ITPR1: variants seen among roughly 807,000 people sequenced by gnomAD.
ITPR1 encodes the protein inositol 1,4,5-trisphosphate-gated calcium channel ITPR1.
In ITPR1, 96 loss-of-function variants were observed where a neutral mutation model predicts 318.4. The ratio of observed to expected loss-of-function variants is 0.30; its 90% CI spans 0.26 to 0.36. The LOEUF (loss-of-function observed/expected upper bound fraction) is 0.36. Among genes scored for constraint, ITPR1 ranks in the 10% least tolerant of loss-of-function variants. The pLI, the probability that ITPR1 is intolerant of heterozygous loss-of-function variation, is 1.00. For synonymous variants in ITPR1, 1,312 were observed against 1,289.9 expected, an observed-to-expected ratio of 1.02 and a Z score of -0.37; for missense variants, 2,440 against 3,460.2, an observed-to-expected ratio of 0.71 and a Z score of 7.40.
chr3:4,775,451 A>G lies in ITPR1; in HGVS notation c.6180+9A>G. The stretch of plus-strand genomic sequence containing the variant: ...CTTGCCATGAGAACCAGGTAATTAA[A>G]TTTCTGTTTTGGGATGGGGAAAAAA... On this transcript the variant is annotated intron_variant, in intron 47 of 61. Coordinates refer to ENST00000649015, the MANE Select transcript of ITPR1 (RefSeq NM_001378452.1). The G allele has an allele frequency of 6.2e-7, 1 of 1,603,974 alleles. No individual in the cohort carries two copies. Among genetic ancestry groups the G allele is most frequent in the Non-Finnish European group, 8.5e-7 (1 of 1,174,074 alleles).
intron 4 of ITPR1, among the ~76,000 whole-genome samples, chr3:4,524,693 T>C (rs1465156800): frequency 6.6e-6 from 1 of 152,226 alleles, no homozygotes; most frequent in Non-Finnish European, 1.5e-5. Flanking sequence ...GGCCTGTTTA[T>C]GCAATATTCC....
chr3:4,783,621 CT>C (rs1213099137), intron 50 of ITPR1, among the ~76,000 whole-genome samples, 194 bp from the exon 51 acceptor site: 1 of 152,264 alleles, frequency 6.6e-6, no homozygotes, highest in African/African-American at 2.4e-5. Context: ...GCTTTCCATG[CT>C]TTTCTACCAA....
At chr3:4,550,821 G>C (rs575855563) in intron 4 of ITPR1, among the ~76,000 whole-genome samples, 11 of 152,126 alleles carry the variant, frequency 7.2e-5, no homozygotes, top group African/African-American at 2.7e-4. Context: ...AGGAAGTAGA[G>C]GCTGCAGTGA....
intron 16 of ITPR1, among the ~76,000 whole-genome samples, chr3:4,663,937 G>C (rs1447563532): frequency 6.6e-6 from 1 of 152,132 alleles, no homozygotes; most frequent in Non-Finnish European, 1.5e-5. Flanking sequence ...ATTTCACTTA[G>C]TGATATGCAT....
intron 61 of ITPR1, among the ~76,000 whole-genome samples, chr3:4,839,365 G>A (rs777271843): frequency 3.9e-5 from 6 of 151,924 alleles, no homozygotes; most frequent in East Asian, 3.9e-4. Context: ...GACAGTATCC[G>A]AGACTTCAGA....
At chr3:4,599,758 C>G (rs947609514) in intron 4 of ITPR1, among the ~76,000 whole-genome samples, 1 of 152,206 alleles carries the variant, frequency 6.6e-6, no homozygotes, top group African/African-American at 2.4e-5. Flanking sequence ...GTGTGTTGGA[C>G]TTGACTTCCC....
intron 51 of ITPR1, among the ~76,000 whole-genome samples, chr3:4,786,093 T>C (rs1279596297): frequency 6.6e-6 from 1 of 152,178 alleles, no homozygotes; most frequent in East Asian, 1.9e-4. Context: ...ACTCCTCCTT[T>C]CCCTCCTGGA....
intron 51 of ITPR1, among the ~76,000 whole-genome samples, chr3:4,787,079 A>G (rs1402914385): frequency 6.6e-6 from 1 of 152,142 alleles, no homozygotes; most frequent in Non-Finnish European, 1.5e-5. Context: ...CACTAGCCAC[A>G]GGTGTTAGTG....
chr3:4,710,521 A>G lies in ITPR1; in HGVS notation c.4991+48A>G, dbSNP rs1203991698. ...GTGTTCATTTGCCAGAACCTTGATGACCTCACAAAGCTTTTGTTCCCGAAG... is the reference window on the plus strand; with the variant it reads ...GTGTTCATTTGCCAGAACCTTGATGGCCTCACAAAGCTTTTGTTCCCGAAG... On this transcript the variant is annotated intron_variant, in intron 38 of 61. Coordinates refer to ENST00000649015, the MANE Select transcript of ITPR1 (RefSeq NM_001378452.1). This position sits in a 1 kb window ranked among gnomAD's most constrained non-coding sequence, Gnocchi z 4.2. The G allele has an allele frequency of 1.0e-5, 16 of 1,528,476 alleles. No homozygotes were observed. Among genetic ancestry groups the G allele is most frequent in the African/African-American group, 1.4e-5 (1 of 72,474 alleles). 94.7% of individuals were successfully genotyped at this position (1,528,476 alleles called of 1,614,324 possible). A position where few individuals can be genotyped will look rare whatever the true frequency, so the allele number is the denominator to read the frequency against.
chr3:4,543,341 C>G (rs1340917899), intron 4 of ITPR1, among the ~76,000 whole-genome samples: 1 of 152,078 alleles, frequency 6.6e-6, no homozygotes, highest in African/African-American at 2.4e-5. Flanking sequence ...AGATTTCCTC[C>G]TCTGGGTCAA....
At chr3:4,720,620 G>A (rs2042080333) in intron 40 of ITPR1, among the ~76,000 whole-genome samples, 2 of 152,106 alleles carry the variant, frequency 1.3e-5, no homozygotes, top group Admixed American at 1.3e-4. Context: ...TTGGAACTGT[G>A]GAATCTCTGG....
At chr3:4,582,324 T>G (rs940077740) in intron 4 of ITPR1, among the ~76,000 whole-genome samples, 2 of 152,204 alleles carry the variant, frequency 1.3e-5, no homozygotes, top group Non-Finnish European at 2.9e-5. Context: ...ATGTTCCTAC[T>G]GTGTCTGTAG....
At chr3:4,773,490 C>G (rs934364964) in intron 46 of ITPR1, among the ~76,000 whole-genome samples, 2 of 152,166 alleles carry the variant, frequency 1.3e-5, no homozygotes, top group African/African-American at 4.8e-5. Flanking sequence ...ACTGTATCTT[C>G]AAGTCCTTTT....
intron 16 of ITPR1, among the ~76,000 whole-genome samples, chr3:4,663,812 G>T (rs1421999734): frequency 6.6e-6 from 1 of 152,146 alleles, no homozygotes; most frequent in African/African-American, 2.4e-5. Flanking sequence ...CTATTTGTCT[G>T]TCCTTCCTGC....
intron 2 of ITPR1, among the ~76,000 whole-genome samples, chr3:4,506,995 A>G (rs1403706980): frequency 6.6e-6 from 1 of 152,224 alleles, no homozygotes; most frequent in Non-Finnish European, 1.5e-5. Context: ...GAAAATGAAC[A>G]CTGAAAAAAT....
rs529381187 is a variant in ITPR1, at chr3:4,665,244, G to A, written c.1661G>A (p.Arg554Gln). 2.8e-5 allele frequency: 45 copies of A among 1,613,994 alleles called. No individual in the cohort carries two copies. The highest frequency in any genetic ancestry group is 2.1e-4 in the South Asian group (19 of 91,078). ...CACGCTCCTTTCAGACACATCTGCC[G>A]GCTCTGCTACAGGGTGCTGAGACAC... ...QRHAPFRHIC[R>Q]LCYRVLRHSQ... Residue 554 changes from arginine to glutamine, a missense_variant, in exon 17 of 62, where the codon CGG becomes CAG. Transcript: ENST00000649015.
In ITPR1 at chr3:4,838,434, C is replaced by G. The variant is rs371560860; in HGVS notation, c.8190+1499C>G. Among the ~76,000 whole-genome samples, 26 of 152,156 alleles carry G rather than the reference C, an allele frequency of 1.7e-4. 1 individual carries two copies. The East Asian group carries it at 4.0e-3, about 24-fold the overall frequency. On this transcript the variant is annotated intron_variant, in intron 61 of 61. Transcript: ENST00000649015. ...TTCTGGCACTGCCCCCCCAACCCCC[C>G]AGTGAGGTGAACTTCTTTACACATC...
At chr3:4,564,483 G>A (rs2087012030) in intron 4 of ITPR1, among the ~76,000 whole-genome samples, 1 of 152,220 alleles carries the variant, frequency 6.6e-6, no homozygotes, top group South Asian at 2.1e-4. Flanking sequence ...AATGACAACT[G>A]TAATGAACGA....
At chr3:4,607,897 C>G in intron 4 of ITPR1, among the ~76,000 whole-genome samples, 1 of 152,124 alleles carries the variant, frequency 6.6e-6, no homozygotes, top group Non-Finnish European at 1.5e-5. Flanking sequence ...TATCTTGTGA[C>G]TTCCGGAATA....
Sources: allele counts gnomAD v4.1 joint callset (sites outside exome capture counted in the v4.1 genomes callset), GRCh38; gene constraint gnomAD v4.1.1; non-coding constraint Gnocchi (gnomAD v3.1); transcripts MANE v1.5; gene names NCBI Gene and HGNC (gene_info 2026-07-23, HGNC 2026-07-21).